The following TXNRD3 variants were observed in gnomAD, a reference collection of about 807,000 sequenced individuals.
The protein encoded by TXNRD3 is TXNRD3 neighbor gene protein.
TXNRD3 carries 68 observed loss-of-function variants against 78.2 expected under a neutral mutation model. That is an observed-to-expected ratio of 0.87 (90% CI 0.72 to 1.06). The LOEUF is 1.06. TXNRD3 is among the 50% of genes least tolerant of loss of function. The pLI, the probability that TXNRD3 is intolerant of heterozygous loss-of-function variation, is 0.00. For synonymous variants in TXNRD3, 296 were observed against 300.1 expected (o/e 0.99, Z 0.14); for missense variants, 751 against 809.5 (o/e 0.93, Z 0.88).
rs554571908 is a variant in TXNRD3 at position 126,607,630 on chromosome 3, C to A, written c.*275G>T. The A allele has an allele frequency of 3.3e-6, 1 of 306,652 alleles. No homozygotes were observed. Among genetic ancestry groups the A allele is most frequent in the Non-Finnish European group, 5.9e-6 (1 of 168,166 alleles). 19.0% of individuals were successfully genotyped at this position (306,652 alleles called of 1,614,324 possible). A position where few individuals can be genotyped will look rare whatever the true frequency, so the allele number is the denominator to read the frequency against. ...CCGAGGGAAGCTCAGTCCTGGCTTG[C>A]GAGAGTCAGCCTTGGCTCACCTCAT... is the stretch of plus-strand genomic sequence containing the variant. On this transcript the variant is annotated 3_prime_UTR_variant, in exon 16 of 16. Transcript: ENST00000524230.
Position 126,633,943 on chromosome 3 carries a change from G to C in TXNRD3, c.821C>G (p.Ser274Cys). The C allele has an allele frequency of 6.6e-7, 1 of 1,512,800 alleles. No individual in the cohort carries two copies. The highest frequency in any genetic ancestry group is 8.8e-7 in the Non-Finnish European group (1 of 1,134,818). The allele number at this position is 1,512,800 out of a possible 1,614,324, so 93.7% of individuals were successfully genotyped here. ...ATGATGTTCAACAAATTCTCCATAG[G>C]AATTGACATAGGCCACAGCCTTTTC... The change falls in exon 7 of 16, where the codon TCC becomes TGC. Residue 274 changes from serine (S) to cysteine (C), a missense_variant. Coordinates refer to ENST00000524230, the MANE Select transcript of TXNRD3 (RefSeq NM_052883.3).
intron 15 of TXNRD3, 142 bp downstream of exon 15, chr3:126,608,357 T>C (rs959923778): frequency 1.4e-5 from 14 of 1,022,344 alleles, no homozygotes; most frequent in Non-Finnish European, 1.9e-5. Flanking sequence ...TGAGACCCTG[T>C]CTGAAAAAAA....
Position 126,655,018 on chromosome 3 carries a change from G to T in TXNRD3, c.-28C>A. On this transcript the variant is annotated 5_prime_UTR_variant, in exon 1 of 16. Transcript: ENST00000524230. ...TCTCGCTCTCGCTCCTGGCCCGGCC[G>T]GGCCTGCTCACAAACCGAAACGCAG... is the stretch of plus-strand genomic sequence containing the variant. 1 of 1,292,916 alleles carries T rather than the reference G, an allele frequency of 7.7e-7. No individual in the cohort carries two copies. Among genetic ancestry groups the T allele is most frequent in the Middle Eastern group, 2.6e-4 (1 of 3,900 alleles). 80.1% of individuals were successfully genotyped at this position (1,292,916 alleles called of 1,614,324 possible).
chr3:126,633,155 G>A (rs995558949), intron 7 of TXNRD3, among the ~76,000 whole-genome samples: 3 of 151,982 alleles, frequency 2.0e-5, no homozygotes, highest in Admixed American at 6.6e-5. Flanking sequence ...GATAACAACC[G>A]TTAAACCTAG....
chr3:126,620,968 G>A (rs913613187), intron 12 of TXNRD3, among the ~76,000 whole-genome samples: 7 of 152,040 alleles, frequency 4.6e-5, no homozygotes, highest in Admixed American at 6.6e-5. Flanking sequence ...TCCACCACAC[G>A]GCCACAGAGC....
intron 6 of TXNRD3, among the ~76,000 whole-genome samples, chr3:126,636,591 C>G (rs1193525420): frequency 6.6e-6 from 1 of 152,192 alleles, no homozygotes; most frequent in African/African-American, 2.4e-5. Flanking sequence ...TCCTGCTGTG[C>G]TATCCTGGGC....
chr3:126,614,186 T>C (rs1938262675), intron 13 of TXNRD3, among the ~76,000 whole-genome samples: 1 of 152,218 alleles, frequency 6.6e-6, no homozygotes, highest in South Asian at 2.1e-4. Context: ...TGTGTTTCTC[T>C]ATAATAGGAA....
chr3:126,644,057 C>CA lies in TXNRD3; in HGVS notation c.520-5dup. ...TCTTTCCCAAAATGGCAGCTTCCTA[C>CA]AAACGAACAACAACAAAAATTACGT... On this transcript the variant is annotated splice_region_variant and splice_polypyrimidine_tract_variant and intron_variant, in intron 4 of 15. Transcript: ENST00000524230. The CA allele has an allele frequency of 6.5e-7, 1 of 1,535,618 alleles. No individual in the cohort carries two copies. The highest frequency in any genetic ancestry group is 8.7e-7 in the Non-Finnish European group (1 of 1,146,788).
chr3:126,644,031 T>G lies in TXNRD3; in HGVS notation c.542A>C (p.Lys181Thr). 6.5e-7 allele frequency: 1 copy of G among 1,536,022 alleles called. No homozygotes were observed. The highest frequency in any genetic ancestry group is 2.0e-5 in the Admixed American group (1 of 50,972). ...GACAACAAAGTCTAGCACCATAACT[T>G]TCTTTCCCAAAATGGCAGCTTCCTA... Residue 181 changes from lysine to threonine, a missense_variant, in exon 5 of 16, where the codon AAA becomes ACA. Transcript: ENST00000524230.
At chr3:126,629,502 T>C (rs1938661557) in intron 9 of TXNRD3, 31 bp from the exon 10 acceptor site, 2 of 1,476,816 alleles carry the variant, frequency 1.4e-6, no homozygotes, top group Admixed American at 2.0e-5. Context: ...AATGATGTTA[T>C]CTAAATATGA....
rs1446063946 is a variant in TXNRD3, at chr3:126,607,167, CTAT to C, written c.*735_*737del. 6.6e-6 allele frequency: 1 copy of C among 152,136 alleles called. No homozygotes were observed. Among genetic ancestry groups the C allele is most frequent in the Admixed American group, 6.5e-5 (1 of 15,272 alleles). 9.4% of individuals were successfully genotyped at this position (152,136 alleles called of 1,614,324 possible). A position where few individuals can be genotyped will look rare whatever the true frequency, so the allele number is the denominator to read the frequency against. On this transcript the variant is annotated 3_prime_UTR_variant, in exon 16 of 16. Transcript: ENST00000524230. ...GTATTAAAAACTTTTGGAAATAATA[CTAT>C]TAAGATGAACATGAAAAAGCAATTC...
intron 1 of TXNRD3, among the ~76,000 whole-genome samples, chr3:126,650,691 C>G (rs537958586): frequency 1.1e-4 from 17 of 152,248 alleles, no homozygotes; most frequent in Non-Finnish European, 1.5e-4. Flanking sequence ...AAACTTCCAG[C>G]CATTTTCCAA....
rs1469559230 is a variant in TXNRD3, at chr3:126,607,888, A to T, written c.*17T>A. 6.7e-7 allele frequency: 1 copy of T among 1,500,562 alleles called. No individual in the cohort carries two copies. The highest frequency in any genetic ancestry group is 8.9e-7 in the Non-Finnish European group (1 of 1,121,222). The allele number at this position is 1,500,562 out of a possible 1,614,324, so 93.0% of individuals were successfully genotyped here. On this transcript the variant is annotated 3_prime_UTR_variant, in exon 16 of 16. Coordinates refer to ENST00000524230, the MANE Select transcript of TXNRD3 (RefSeq NM_052883.3). The stretch of plus-strand genomic sequence containing the variant: ...GAGAAATGAGAATATGACAAGGAGA[A>T]CTAAACAGCAGCAGGCCTAGCCTCA...
intron 10 of TXNRD3, among the ~76,000 whole-genome samples, chr3:126,623,730 A>C (rs1004254902): frequency 6.6e-6 from 1 of 151,828 alleles, no homozygotes; most frequent in African/African-American, 2.4e-5. Context: ...CTTACAGGTC[A>C]CATCCTGGCA....
intron 5 of TXNRD3, among the ~76,000 whole-genome samples, chr3:126,643,700 A>G (rs1933148649): frequency 6.6e-6 from 1 of 151,894 alleles, no homozygotes; most frequent in Non-Finnish European, 1.5e-5. Context: ...TATCCTCACT[A>G]AGACTCAGTT....
chr3:126,634,405 C>T (rs1342213241), intron 6 of TXNRD3, among the ~76,000 whole-genome samples: 1 of 152,210 alleles, frequency 6.6e-6, no homozygotes, highest in Non-Finnish European at 1.5e-5. Context: ...ACCTACTTTA[C>T]TTGGCTCTTG....
rs1346203984 is a variant in TXNRD3, at chr3:126,615,471, C to T, written c.1525-9G>A. ...ACATTAATATAATCACACTGAAAGA[C>T]AAACAAATTACATTGTCTTATTTTG... On this transcript the variant is annotated splice_polypyrimidine_tract_variant and intron_variant, in intron 12 of 15. Coordinates refer to ENST00000524230, the MANE Select transcript of TXNRD3 (RefSeq NM_052883.3). 7.3e-7 allele frequency: 1 copy of T among 1,363,528 alleles called. No individual in the cohort carries two copies. Among genetic ancestry groups the T allele is most frequent in the Non-Finnish European group, 9.8e-7 (1 of 1,016,890 alleles). The allele number at this position is 1,363,528 out of a possible 1,614,324, so 84.5% of individuals were successfully genotyped here.
intron 12 of TXNRD3, among the ~76,000 whole-genome samples, chr3:126,616,107 G>T (rs1480695389): frequency 2.6e-5 from 4 of 152,206 alleles, no homozygotes; most frequent in African/African-American, 4.8e-5. Context: ...AGTCAGAGAA[G>T]AATGGACATT....
At chr3:126,643,831 C>A (rs756845589) in intron 5 of TXNRD3, 150 bp downstream of exon 5, 19 of 634,092 alleles carry the variant, frequency 3.0e-5, no homozygotes, top group Middle Eastern at 5.3e-4. Flanking sequence ...CAGGCATGAG[C>A]CTCTGGGCCA....
Sources: allele counts gnomAD v4.1 joint callset (sites outside exome capture counted in the v4.1 genomes callset), GRCh38; gene constraint gnomAD v4.1.1; transcripts MANE v1.5; gene names NCBI Gene and HGNC (gene_info 2026-07-23, HGNC 2026-07-21).